The following CENPO variants were observed in gnomAD, a reference collection of about 807,000 sequenced individuals.
The protein encoded by CENPO is centromere protein O.
In CENPO, 30 loss-of-function variants were observed where a neutral mutation model predicts 36.1. That is an observed-to-expected ratio of 0.83 (90% confidence interval 0.62 to 1.13). The LOEUF is 1.13. Among genes scored for constraint, CENPO ranks in the 50% most tolerant of loss-of-function variants. CENPO has a pLI of 0.00. For synonymous variants in CENPO, 171 were observed against 142.3 expected, an observed-to-expected ratio of 1.20 and a Z score of -1.44; for missense variants, 349 against 357.8, an observed-to-expected ratio of 0.98 and a Z score of 0.20.
intron 3 of CENPO, among the ~76,000 whole-genome samples, chr2:24,809,652 C>T (rs1666586985): frequency 6.6e-6 from 1 of 150,490 alleles, no homozygotes; most frequent in Admixed American, 6.6e-5. Context: ...GTGTTATCTT[C>T]TTTGGCCCGT....
chr2:24,813,337 G>A (rs1425193547), intron 3 of CENPO, among the ~76,000 whole-genome samples: 1 of 152,202 alleles, frequency 6.6e-6, no homozygotes, highest in Admixed American at 6.5e-5. Flanking sequence ...AGTAGATCGT[G>A]TATGGGCACA....
chr2:24,820,353 G>T lies in CENPO; in HGVS notation c.*1035G>T. On this transcript the variant is annotated 3_prime_UTR_variant, in exon 8 of 8. Transcript: ENST00000380834. The stretch of plus-strand genomic sequence containing the variant: ...ATCCAGAGACTTCTCTCCTAGGATG[G>T]CCATGGTCACCTGGGTGGCAGCACT... 1 of 1,327,602 alleles carries T rather than the reference G, an allele frequency of 7.5e-7. No homozygotes were observed. Among genetic ancestry groups the T allele is most frequent in the Admixed American group, 3.6e-5 (1 of 27,818 alleles). The allele number at this position is 1,327,602 out of a possible 1,614,324, so 82.2% of individuals were successfully genotyped here. A position where few individuals can be genotyped will look rare whatever the true frequency, so the allele number is the denominator to read the frequency against.
rs201348363 is a variant in CENPO, at chr2:24,819,923, C to T, written c.*605C>T. On this transcript the variant is annotated 3_prime_UTR_variant, in exon 8 of 8. Transcript: ENST00000380834. ...CTTCCGGTTTGGACTGTTGCAGGCT[C>T]GAGGCCATTCAGGAGTTGTCCACCA... 2.5e-5 allele frequency: 41 copies of T among 1,612,884 alleles called. No individual in the cohort carries two copies. Among genetic ancestry groups the T allele is most frequent in the African/African-American group, 1.9e-4 (14 of 74,764 alleles).
At chr2:24,805,705 C>A (rs559034208) in intron 3 of CENPO, among the ~76,000 whole-genome samples, 1 of 152,254 alleles carries the variant, frequency 6.6e-6, no homozygotes, top group South Asian at 2.1e-4. Flanking sequence ...CAGAGGAGTA[C>A]CCAGCTGTGT....
In CENPO at chr2:24,821,930, AGGTT is replaced by A; in HGVS notation, c.*2613_*2616del. 1 of 350,316 alleles carries A rather than the reference AGGTT, an allele frequency of 2.9e-6. No homozygotes were observed. The allele number at this position is 350,316 out of a possible 1,614,324, so 21.7% of individuals were successfully genotyped here. On this transcript the variant is annotated 3_prime_UTR_variant, in exon 8 of 8. Coordinates refer to ENST00000380834, the MANE Select transcript of CENPO (RefSeq NM_001322101.2). ...TTGGCTGGGCCTGGTCCTGGTCCTTAGGTTTTGTCAGGTTGTCCTTGTTTGGATC... is the reference window on the plus strand; with the variant it reads ...TTGGCTGGGCCTGGTCCTGGTCCTTATTGTCAGGTTGTCCTTGTTTGGATC...
intron 7 of CENPO, chr2:24,819,147 T>C (rs1001350342): frequency 6.6e-6 from 1 of 152,664 alleles, no homozygotes; most frequent in African/African-American, 2.4e-5. Flanking sequence ...ATAAGTGATA[T>C]TAACAGAATT....
chr2:24,813,106 C>T (rs566935037), intron 3 of CENPO, among the ~76,000 whole-genome samples: 6 of 151,728 alleles, frequency 4.0e-5, no homozygotes, highest in Non-Finnish European at 7.4e-5. Flanking sequence ...ATTAGCGAGG[C>T]GTGGTGGCGC....
chr2:24,820,745 C>G lies in CENPO; in HGVS notation c.*1427C>G. ...ATACCTGAATGTTGCCCATGACCCCCGTGGACTCCATCCTGCTGGCTACAT... is the reference window on the plus strand; with the variant it reads ...ATACCTGAATGTTGCCCATGACCCCGGTGGACTCCATCCTGCTGGCTACAT... On this transcript the variant is annotated 3_prime_UTR_variant, in exon 8 of 8. Coordinates refer to ENST00000380834, the MANE Select transcript of CENPO (RefSeq NM_001322101.2). 1 of 1,614,096 alleles carries G rather than the reference C, an allele frequency of 6.2e-7. No individual in the cohort carries two copies. The highest frequency in any genetic ancestry group is 8.5e-7 in the Non-Finnish European group (1 of 1,179,990).
At chr2:24,818,041 T>G (rs1461564674) in intron 7 of CENPO, among the ~76,000 whole-genome samples, 200 bp downstream of exon 7, 1 of 152,198 alleles carries the variant, frequency 6.6e-6, no homozygotes, top group Non-Finnish European at 1.5e-5. Flanking sequence ...TTAAAGGTAT[T>G]AGTTGATCAT....
At position 24,821,324 on chromosome 2, in the gene CENPO, G is replaced by T; in HGVS notation, c.*2006G>T. On this transcript the variant is annotated 3_prime_UTR_variant, in exon 8 of 8. Coordinates refer to ENST00000380834, the MANE Select transcript of CENPO (RefSeq NM_001322101.2). Reference sequence around the variant, plus strand: ...ACAGTATAGTCGGATCATCACATCAGCTGGGTTTTTGGTTTAGTCATCTAG... The same window carrying T: ...ACAGTATAGTCGGATCATCACATCATCTGGGTTTTTGGTTTAGTCATCTAG... The T allele has an allele frequency of 1.4e-6, 1 of 713,890 alleles. No homozygotes were observed. The highest frequency in any genetic ancestry group is 2.3e-6 in the Non-Finnish European group (1 of 441,450). 44.2% of individuals were successfully genotyped at this position (713,890 alleles called of 1,614,324 possible).
intron 6 of CENPO, among the ~76,000 whole-genome samples, 193 bp from the exon 7 acceptor site, chr2:24,817,477 G>A (rs11680229): frequency 0.59 from 54,680 of 92,988 alleles, 15,842 homozygotes; most frequent in East Asian, 0.79. Context: ...AAAAAAAAAA[G>A]CTGTATGGGT....
At chr2:24,805,058 T>C (rs1259575990) in intron 3 of CENPO, among the ~76,000 whole-genome samples, 1 of 152,184 alleles carries the variant, frequency 6.6e-6, no homozygotes, top group Non-Finnish European at 1.5e-5. Context: ...CTTCTCTTCT[T>C]GCTTCATTTC....
chr2:24,820,619 A>C lies in CENPO; in HGVS notation c.*1301A>C. On this transcript the variant is annotated 3_prime_UTR_variant, in exon 8 of 8. Coordinates refer to ENST00000380834, the MANE Select transcript of CENPO (RefSeq NM_001322101.2). ...GCCCCACGTCTCTGCCTCTGGACTT[A>C]CTGTTCAGGGCCAGGGTGGGAGGCA... 2 of 1,544,914 alleles carry C rather than the reference A, an allele frequency of 1.3e-6. No homozygotes were observed. The highest frequency in any genetic ancestry group is 8.8e-7 in the Non-Finnish European group (1 of 1,139,348).
Position 24,799,809 on chromosome 2 carries a change from G to T in CENPO, c.181G>T (p.Glu61Ter). ...TCATAAACTAAGGCGTCTGCGAGAT[G>T]AGCTGAGGGCTGTGGTGCGGCACCG... ...KIHKLRRLRD[E>*]LRAVVRHRRA... Residue 61 changes from glutamate (E) to a stop codon, truncating the protein, a stop_gained, in exon 3 of 8, where the codon GAG (glutamate) becomes TAG (stop). Coordinates refer to ENST00000380834, the MANE Select transcript of CENPO (RefSeq NM_001322101.2). LOFTEE classifies it high-confidence loss of function. 6.2e-7 allele frequency: 1 copy of T among 1,613,686 alleles called. No individual in the cohort carries two copies. Among genetic ancestry groups the T allele is most frequent in the Non-Finnish European group, 8.5e-7 (1 of 1,180,008 alleles).
rs1667178389 is a variant in CENPO, at chr2:24,819,363, C to T, written c.*45C>T. 6.6e-6 allele frequency: 1 copy of T among 152,530 alleles called. No homozygotes were observed. The highest frequency in any genetic ancestry group is 1.9e-4 in the East Asian group (1 of 5,202). The allele number at this position is 152,530 out of a possible 1,614,324, so 9.4% of individuals were successfully genotyped here. Reference sequence around the variant, plus strand: ...TATATTTTTCTTTCAGAAATAAATCCCCCCTCCCCTGCCAGGTGAAAGGAA... The same window carrying T: ...TATATTTTTCTTTCAGAAATAAATCTCCCCTCCCCTGCCAGGTGAAAGGAA... On this transcript the variant is annotated 3_prime_UTR_variant, in exon 8 of 8. Coordinates refer to ENST00000380834, the MANE Select transcript of CENPO (RefSeq NM_001322101.2).
rs1228012917 is a variant in CENPO, at chr2:24,821,824, G to A, written c.*2506G>A. ...GACTTGCCACTGTGACAAAGTTCAC[G>A]TAGCAGGTCTAGGCAAAGACTGGGC... On this transcript the variant is annotated 3_prime_UTR_variant, in exon 8 of 8. Transcript: ENST00000380834. 16 of 832,652 alleles carry A rather than the reference G, an allele frequency of 1.9e-5. No individual in the cohort carries two copies. The highest frequency in any genetic ancestry group is 8.4e-5 in the East Asian group (3 of 35,734). 51.6% of individuals were successfully genotyped at this position (832,652 alleles called of 1,614,324 possible).
At chr2:24,814,560 G>A (rs1461468536) in intron 4 of CENPO, 67 bp downstream of exon 4, 5 of 788,342 alleles carry the variant, frequency 6.3e-6, no homozygotes, top group Admixed American at 1.7e-5. Flanking sequence ...TGCTAGATGT[G>A]TTATCAGTCC....
At chr2:24,811,024 A>G (rs1204828780) in intron 3 of CENPO, among the ~76,000 whole-genome samples, 1 of 151,360 alleles carries the variant, frequency 6.6e-6, no homozygotes, top group African/African-American at 2.4e-5. Context: ...GCTCACTGCA[A>G]TTTCTGCCTC....
At chr2:24,804,623 ATTCTT>A (rs982692972) in intron 3 of CENPO, among the ~76,000 whole-genome samples, 70 of 152,296 alleles carry the variant, frequency 4.6e-4, no homozygotes, top group South Asian at 1.7e-3. Context: ...TGGGATGAGA[ATTCTT>A]TTCTTTAAGA....
Sources: allele counts gnomAD v4.1 joint callset (sites outside exome capture counted in the v4.1 genomes callset), GRCh38; gene constraint gnomAD v4.1.1; transcripts MANE v1.5; gene names NCBI Gene and HGNC (gene_info 2026-07-23, HGNC 2026-07-21).